ZFP14: variants seen among roughly 807,000 people sequenced by gnomAD.
ZFP14 encodes the protein ZFP14 zinc finger protein, also known as zinc finger protein 14 homolog.
In ZFP14, 22 loss-of-function variants were observed where a neutral mutation model predicts 54.5. The observed-to-expected ratio is 0.40, with a 90% CI of 0.29 to 0.58. The LOEUF (loss-of-function observed/expected upper bound fraction) is 0.58, where lower values mean the gene tolerates loss of function less well. Among genes scored for constraint, ZFP14 ranks in the 20% least tolerant of loss-of-function variants. ZFP14 has a pLI of 0.39. For synonymous variants in ZFP14, 159 were observed against 204.0 expected (o/e 0.78, Z 1.88); for missense variants, 470 against 637.8 (o/e 0.74, Z 2.83).
intron 1 of ZFP14, among the ~76,000 whole-genome samples, chr19:36,377,328 T>C (rs889531731): frequency 6.6e-6 from 1 of 152,082 alleles, no homozygotes; most frequent in Non-Finnish European, 1.5e-5. Context: ...GGTGGAAGAA[T>C]TCCTTGACTC....
At chr19:36,376,162 A>G (rs977196928) in intron 1 of ZFP14, among the ~76,000 whole-genome samples, 8 of 152,216 alleles carry the variant, frequency 5.3e-5, no homozygotes, top group African/African-American at 1.9e-4. Context: ...AGAAATAAAT[A>G]AGATACTACA....
At chr19:36,360,828 G>A (rs988709177) in intron 3 of ZFP14, among the ~76,000 whole-genome samples, 2 of 152,130 alleles carry the variant, frequency 1.3e-5, no homozygotes, top group Non-Finnish European at 2.9e-5. Context: ...ATTGTGTAGA[G>A]GGAAGAACAC....
intron 1 of ZFP14, among the ~76,000 whole-genome samples, chr19:36,369,941 C>T (rs566767037): frequency 6.6e-6 from 1 of 152,248 alleles, no homozygotes; most frequent in East Asian, 1.9e-4. Flanking sequence ...CTCAAGCAAT[C>T]CTCCCACCTC....
In ZFP14 at chr19:36,377,041, G is replaced by A. The variant is rs1227076490; in HGVS notation, c.-80+2122C>T. Among the ~76,000 whole-genome samples, 3 of 152,096 alleles carry A rather than the reference G, an allele frequency of 2.0e-5. No homozygotes were observed. The East Asian group carries it at 5.8e-4, about 29-fold the overall frequency. On this transcript the variant is annotated intron_variant, in intron 1 of 4. Coordinates refer to ENST00000270001, the MANE Select transcript of ZFP14 (RefSeq NM_020917.3). ...TCAAGCCACTTTCCAAATTTCTACT[G>A]TCTTCCCTTCCCTTCTAATAACCCC... is the stretch of plus-strand genomic sequence containing the variant.
chr19:36,364,807 T>C (rs1362345049), intron 2 of ZFP14, among the ~76,000 whole-genome samples: 2 of 151,992 alleles, frequency 1.3e-5, no homozygotes, highest in Non-Finnish European at 2.9e-5. Context: ...CCAAATTCTC[T>C]CTTTCATCAA....
rs1007710119 is a variant in ZFP14, at chr19:36,337,779, T to G, written c.*2445A>C. The G allele has an allele frequency of 6.6e-6, 1 of 152,142 alleles. No homozygotes were observed. Among genetic ancestry groups the G allele is most frequent in the East Asian group, 1.9e-4 (1 of 5,196 alleles). 9.4% of individuals were successfully genotyped at this position (152,142 alleles called of 1,614,324 possible). On this transcript the variant is annotated 3_prime_UTR_variant, in exon 5 of 5. Transcript: ENST00000270001. ...AGTGTGTTGTCTGATAGACCCATTT[T>G]TATTAAGGTTAAAACAGATCAAAGG...
At chr19:36,364,609 AAAGTTTAGGCCTTATCTTAT>A (rs1279602070) in intron 2 of ZFP14, among the ~76,000 whole-genome samples, 1 of 152,108 alleles carries the variant, frequency 6.6e-6, no homozygotes, top group African/African-American at 2.4e-5. Context: ...GGCACACATG[AAAGTTTAGGCCTTATCTTAT>A]AAGGCCCAAT....
intron 1 of ZFP14, among the ~76,000 whole-genome samples, chr19:36,373,764 T>G (rs1480695153): frequency 2.6e-5 from 4 of 151,464 alleles, no homozygotes; most frequent in Non-Finnish European, 5.9e-5. Flanking sequence ...ATTTTAAAAA[T>G]TAGCCGGGCA....
At chr19:36,366,473 T>C (rs1486597160) in intron 2 of ZFP14, among the ~76,000 whole-genome samples, 2 of 152,038 alleles carry the variant, frequency 1.3e-5, no homozygotes, top group African/African-American at 4.8e-5. Flanking sequence ...TGTGCCACCA[T>C]GCCCAGCTAG....
intron 1 of ZFP14, among the ~76,000 whole-genome samples, chr19:36,373,647 T>C (rs552758113): frequency 7.9e-5 from 12 of 152,250 alleles, no homozygotes; most frequent in African/African-American, 2.9e-4. Flanking sequence ...ATGTACATGA[T>C]AAATACATGT....
chr19:36,338,400 G>C lies in ZFP14; in HGVS notation c.*1824C>G, dbSNP rs1007493562. On this transcript the variant is annotated 3_prime_UTR_variant, in exon 5 of 5. Coordinates refer to ENST00000270001, the MANE Select transcript of ZFP14 (RefSeq NM_020917.3). ...GATTTATTGATTTCAAGAATAATGA[G>C]TTGGGCTGGGTGTGGTGGCTCATAC... 6.6e-6 allele frequency: 1 copy of C among 151,942 alleles called. No homozygotes were observed. The allele number at this position is 151,942 out of a possible 1,614,324, so 9.4% of individuals were successfully genotyped here. A position where few individuals can be genotyped will look rare whatever the true frequency, so the allele number is the denominator to read the frequency against.
intron 2 of ZFP14, among the ~76,000 whole-genome samples, chr19:36,365,414 C>A (rs1016414398): frequency 6.6e-6 from 1 of 152,004 alleles, no homozygotes; most frequent in Non-Finnish European, 1.5e-5. Context: ...TTACACTAGA[C>A]AAAAATGAGG....
chr19:36,353,188 G>C (rs904643231), intron 4 of ZFP14, among the ~76,000 whole-genome samples: 2 of 142,398 alleles, frequency 1.4e-5, no homozygotes, highest in African/African-American at 2.6e-5. Context: ...TGCAGTACAA[G>C]CACAGTAAGG....
chr19:36,369,671 A>G (rs1354904707), intron 1 of ZFP14, among the ~76,000 whole-genome samples: 5 of 152,094 alleles, frequency 3.3e-5, no homozygotes, highest in Non-Finnish European at 7.4e-5. Context: ...TCAGCCTCCT[A>G]AAATGTTGGG....
At position 36,338,583 on chromosome 19, in the gene ZFP14, A is replaced by C. The variant is rs1467967238; in HGVS notation, c.*1641T>G. On this transcript the variant is annotated 3_prime_UTR_variant, in exon 5 of 5. Coordinates refer to ENST00000270001, the MANE Select transcript of ZFP14 (RefSeq NM_020917.3). ...AGCCCAGGAGGAACAGGGTACAGTG[A>C]ACTGTGCTTGTACCACTGCACTCCA... The C allele has an allele frequency of 6.6e-6, 1 of 152,068 alleles. No homozygotes were observed. Among genetic ancestry groups the C allele is most frequent in the Non-Finnish European group, 1.5e-5 (1 of 68,028 alleles). The allele number at this position is 152,068 out of a possible 1,614,324, so 9.4% of individuals were successfully genotyped here.
chr19:36,357,364 T>C (rs921903277), intron 4 of ZFP14, among the ~76,000 whole-genome samples: 3 of 152,174 alleles, frequency 2.0e-5, no homozygotes, highest in African/African-American at 7.2e-5. Flanking sequence ...TTTTTATGGT[T>C]ATTGTTTTCA....
intron 3 of ZFP14, among the ~76,000 whole-genome samples, chr19:36,361,613 C>T (rs1388053567): frequency 6.6e-6 from 1 of 152,130 alleles, no homozygotes; most frequent in African/African-American, 2.4e-5. Context: ...CAGCTCACTG[C>T]AACCTCCGCC....
rs1408363801 is a variant in ZFP14 at position 36,335,684 on chromosome 19, A to T, written c.*4540T>A. On this transcript the variant is annotated 3_prime_UTR_variant, in exon 5 of 5. Coordinates refer to ENST00000270001, the MANE Select transcript of ZFP14 (RefSeq NM_020917.3). ...AATGCAATCCTACATTTTTACTTGT[A>T]CTGGAATGAATATACACGTTTGTGC... 6.6e-6 allele frequency: 1 copy of T among 152,082 alleles called. No individual in the cohort carries two copies. The highest frequency in any genetic ancestry group is 1.5e-5 in the Non-Finnish European group (1 of 68,030). 9.4% of individuals were successfully genotyped at this position (152,082 alleles called of 1,614,324 possible).
At chr19:36,364,994 C>CTTTTTTT (rs398034482) in intron 2 of ZFP14, among the ~76,000 whole-genome samples, 47 of 62,008 alleles carry the variant, frequency 7.6e-4, no homozygotes, top group East Asian at 3.1e-3. Context: ...TTTTCTTTTT[C>CTTTTTTT]TTTTTTTTTT....
Sources: gnomAD v4.1 joint callset for allele counts (sites outside exome capture counted in the v4.1 genomes callset) on GRCh38, gnomAD v4.1.1 for gene constraint, MANE v1.5 for transcripts, NCBI Gene and HGNC (gene_info 2026-07-23, HGNC 2026-07-21) for gene names.